PTPN22: variants seen among roughly 807,000 people sequenced by gnomAD.
The protein encoded by PTPN22 is tyrosine-protein phosphatase non-receptor type 22.
Under a neutral mutation model 103.3 loss-of-function variants are expected in PTPN22, and 85 were observed. The observed-to-expected ratio is 0.82, with a 90% CI of 0.69 to 0.99. PTPN22 has a LOEUF of 0.99. Among genes scored for constraint, PTPN22 ranks in the 50% least tolerant of loss-of-function variants. The pLI, the probability that PTPN22 is intolerant of heterozygous loss-of-function variation, is 0.00. For missense variants in PTPN22, 865 were observed against 936.9 expected (o/e 0.92, Z 1.00); for synonymous variants, 323 against 310.2 (o/e 1.04, Z -0.43).
rs543435365 is a variant in PTPN22 at position 113,819,249 on chromosome 1, A to G, written c.2359+328T>C. 8 of 159,920 alleles carry G rather than the reference A, an allele frequency of 5.0e-5. No homozygotes were observed. The East Asian group carries it at 5.2e-4, about 10-fold the overall frequency. The allele number at this position is 159,920 out of a possible 1,614,324, so 9.9% of individuals were successfully genotyped here. On this transcript the variant is annotated intron_variant, in intron 20 of 20. Coordinates refer to ENST00000359785, the Ensembl canonical transcript of PTPN22. The stretch of plus-strand genomic sequence containing the variant: ...CTGCTGTTCTTTTTATCATACTTCT[A>G]TGTTTTTTATAAATTTGCTTTAGAT...
intron 19 of PTPN22, among the ~76,000 whole-genome samples, chr1:113,821,814 A>G (rs1237910902): frequency 1.3e-5 from 2 of 152,238 alleles, no homozygotes; most frequent in African/African-American, 4.8e-5. Context: ...TGGCATGGTC[A>G]CACCAGATGT....
rs556972203 is a variant in PTPN22, at chr1:113,847,673, G to A, written c.915+867C>T. 2.2e-3 allele frequency among the ~76,000 whole-genome samples: 328 copies of A among 151,298 alleles called. 2 individuals carry two copies. Among genetic ancestry groups the A allele is most frequent in the African/African-American group, 7.7e-3 (318 of 41,214 alleles). ...AGATCACTGCAACCTCCGCCTCCTG[G>A]GTTCAAATGATTCTCATGCCTCAGC... On this transcript the variant is annotated intron_variant, in intron 11 of 20. Coordinates refer to ENST00000359785, the Ensembl canonical transcript of PTPN22.
chr1:113,840,420 A>C (rs2101987322), intron 11 of PTPN22, among the ~76,000 whole-genome samples: 1 of 152,278 alleles, frequency 6.6e-6, no homozygotes, highest in Non-Finnish European at 1.5e-5. Context: ...ACATTAAGGA[A>C]ACAGTTATAT....
intron 9 of PTPN22, among the ~76,000 whole-genome samples, chr1:113,853,264 G>C (rs987837433): frequency 6.6e-6 from 1 of 151,712 alleles, no homozygotes; most frequent in African/African-American, 2.4e-5. Flanking sequence ...GATTAGAATT[G>C]TCAACTCAGA....
chr1:113,856,086 T>G (rs1665038557), intron 7 of PTPN22, among the ~76,000 whole-genome samples: 1 of 152,216 alleles, frequency 6.6e-6, no homozygotes, highest in Non-Finnish European at 1.5e-5. Flanking sequence ...CCATCTCGGT[T>G]CACTGCAACC....
intron 11 of PTPN22, among the ~76,000 whole-genome samples, chr1:113,842,275 T>C (rs562945745): frequency 1.4e-4 from 21 of 152,122 alleles, no homozygotes; most frequent in Non-Finnish European, 2.9e-4. Flanking sequence ...AAAGAGGATA[T>C]ACAAATGGCC....
At chr1:113,834,579 G>A (rs1244591770) in intron 14 of PTPN22, 140 bp from the exon 15 acceptor site, 1 of 992,498 alleles carries the variant, frequency 1.0e-6, no homozygotes, top group Non-Finnish European at 1.5e-6. Flanking sequence ...TATTTTTTGA[G>A]ACAGGGTCTT....
At chr1:113,856,553 A>G (rs775983456) in exon 6 of PTPN22, 2 of 1,614,210 alleles carry the variant, frequency 1.2e-6, no homozygotes, top group South Asian at 2.2e-5. Context: ...CTTACACAGG[A>G]TACAGAGAAA....
rs546362379 is a variant in PTPN22, at chr1:113,834,897, G to C, written c.1894+13C>G. 1 of 1,533,462 alleles carries C rather than the reference G, an allele frequency of 6.5e-7. No individual in the cohort carries two copies. Among genetic ancestry groups the C allele is most frequent in the Non-Finnish European group, 8.9e-7 (1 of 1,127,344 alleles). The allele number at this position is 1,533,462 out of a possible 1,614,324, so 95.0% of individuals were successfully genotyped here. On this transcript the variant is annotated intron_variant, in intron 14 of 20. Coordinates refer to ENST00000359785, the Ensembl canonical transcript of PTPN22. ...TCCCACACTTTATTTTATACTTACT[G>C]AACTGTACTCACCAGCTTCCTCAAC...
In PTPN22 at chr1:113,850,423, G is replaced by A. The variant is rs533662789; in HGVS notation, c.828+1604C>T. Among the ~76,000 whole-genome samples the A allele has an allele frequency of 1.1e-4, 16 of 152,270 alleles. No homozygotes were observed. The East Asian group carries it at 1.3e-3, about 13-fold the overall frequency. On this transcript the variant is annotated intron_variant, in intron 10 of 20. Coordinates refer to ENST00000359785, the Ensembl canonical transcript of PTPN22. ...GCCAAAATGTGAAGGCTTTTTCAGCGTCTTCCAACTCTTAAAAGTAGGCCT... is the reference window on the plus strand; with the variant it reads ...GCCAAAATGTGAAGGCTTTTTCAGCATCTTCCAACTCTTAAAAGTAGGCCT...
At chr1:113,814,894 C>G in exon 21 of PTPN22, 1 of 1,579,156 alleles carries the variant, frequency 6.3e-7, no homozygotes. Context: ...TATTATAAAT[C>G]TGGAGTTTTA....
At chr1:113,856,406 C>T (rs1665075129) in exon 7 of PTPN22, 2 of 1,582,612 alleles carry the variant, frequency 1.3e-6, no homozygotes, top group Non-Finnish European at 1.7e-6. Flanking sequence ...CTTTTAGAGT[C>T]CTGATTATAT....
At chr1:113,841,454 T>G (rs969613522) in intron 11 of PTPN22, among the ~76,000 whole-genome samples, 1 of 152,058 alleles carries the variant, frequency 6.6e-6, no homozygotes, top group African/African-American at 2.4e-5. Context: ...AGATTAAGAC[T>G]TTTACACACC....
rs985910205 is a variant in PTPN22, at chr1:113,825,235, T to C, written c.2251-63A>G. On this transcript the variant is annotated intron_variant, in intron 18 of 20. Transcript: ENST00000359785. ...TGAAACTTGAAATACTTTAATCAAATAGAAATATAGACTTAAGTGAAAAGA... is the reference window on the plus strand; with the variant it reads ...TGAAACTTGAAATACTTTAATCAAACAGAAATATAGACTTAAGTGAAAAGA... The C allele has an allele frequency of 2.4e-5, 24 of 990,092 alleles. 1 individual carries two copies. The highest frequency in any genetic ancestry group is 8.3e-5 in the Admixed American group (3 of 36,320). The allele number at this position is 990,092 out of a possible 1,614,324, so 61.3% of individuals were successfully genotyped here.
intron 11 of PTPN22, among the ~76,000 whole-genome samples, chr1:113,846,428 T>C (rs1664055000): frequency 6.6e-6 from 1 of 152,220 alleles, no homozygotes; most frequent in Non-Finnish European, 1.5e-5. Flanking sequence ...ATCCTCCTGT[T>C]ATAATCATTT....
At position 113,829,894 on chromosome 1, in the gene PTPN22, A is replaced by G. The variant is rs879419873; in HGVS notation, c.2134+55T>C. On this transcript the variant is annotated intron_variant, in intron 17 of 20. Coordinates refer to ENST00000359785, the Ensembl canonical transcript of PTPN22. ...CCATTTAGGTCCTACTTTATTGTTA[A>G]TCTTTTAACATTTTCATTTTTATGA... The G allele has an allele frequency of 6.7e-5, 99 of 1,471,130 alleles. No homozygotes were observed. The Admixed American group carries it at 1.7e-3, about 25-fold the overall frequency. 91.1% of individuals were successfully genotyped at this position (1,471,130 alleles called of 1,614,324 possible). A position where few individuals can be genotyped will look rare whatever the true frequency, so the allele number is the denominator to read the frequency against.
intron 1 of PTPN22, among the ~76,000 whole-genome samples, chr1:113,862,907 T>C (rs528008694): frequency 8.7e-4 from 133 of 152,300 alleles, no homozygotes; most frequent in Admixed American, 2.4e-3. Flanking sequence ...CAAGACTGAA[T>C]TGTACGAGCG....
intron 19 of PTPN22, among the ~76,000 whole-genome samples, chr1:113,821,297 TTTTTGTTTTG>T (rs551753469): frequency 4.6e-5 from 7 of 152,152 alleles, no homozygotes; most frequent in Admixed American, 2.0e-4. Context: ...ATCATGGATT[TTTTTGTTTTG>T]TTTTGTTTTG....
rs781498702 is a variant in PTPN22 at position 113,852,014 on chromosome 1, C to T, written c.828+13G>A. ...TCAGACACATGTTCTGATCCATTCA[C>T]TATAGTTCATACCTGCGTTTGAACT... On this transcript the variant is annotated intron_variant, in intron 10 of 20. Coordinates refer to ENST00000359785, the Ensembl canonical transcript of PTPN22. 7 of 1,589,532 alleles carry T rather than the reference C, an allele frequency of 4.4e-6. No individual in the cohort carries two copies. The South Asian group carries it at 4.4e-5, about 10-fold the overall frequency.
Sources: allele counts gnomAD v4.1 joint callset (sites outside exome capture counted in the v4.1 genomes callset), GRCh38; gene constraint gnomAD v4.1.1; transcripts MANE v1.5; gene names NCBI Gene and HGNC (gene_info 2026-07-23, HGNC 2026-07-21).